The following NTRK3 variants were observed in gnomAD, a reference collection of about 807,000 sequenced individuals.
The protein encoded by NTRK3 is NT-3 growth factor receptor.
Under a neutral mutation model 91.7 loss-of-function variants are expected in NTRK3, and 24 were observed. The ratio of observed to expected loss-of-function variants is 0.26; its 90% confidence interval spans 0.19 to 0.37. NTRK3 has a LOEUF of 0.37. NTRK3 is among the 10% of genes least tolerant of loss of function. The pLI is 1.00. For synonymous variants in NTRK3, 483 were observed against 404.0 expected, an observed-to-expected ratio of 1.20 and a Z score of -2.34; for missense variants, 880 against 1,068.9, an observed-to-expected ratio of 0.82 and a Z score of 2.46.
chr15:88,007,160 A>G (rs2076553308), intron 14 of NTRK3, among the ~76,000 whole-genome samples: 1 of 152,254 alleles, frequency 6.6e-6, no homozygotes, highest in Non-Finnish European at 1.5e-5. Context: ...TAGGTATGAT[A>G]CAATGATAGC....
chr15:88,147,615 G>A (rs1251191559), intron 5 of NTRK3, among the ~76,000 whole-genome samples: 1 of 151,720 alleles, frequency 6.6e-6, no homozygotes, highest in Non-Finnish European at 1.5e-5. Context: ...GTTTGGATAG[G>A]CTTTTGAGGC....
exon 19 of NTRK3, chr15:87,864,222 G>T: frequency 4.3e-6 from 1 of 232,568 alleles, no homozygotes; most frequent in South Asian, 1.8e-4. Context: ...AACAAGAAGA[G>T]TTCTTGATGC....
intron 14 of NTRK3, among the ~76,000 whole-genome samples, chr15:87,972,308 A>C (rs2073324261): frequency 6.6e-6 from 1 of 152,150 alleles, no homozygotes; most frequent in African/African-American, 2.4e-5. Flanking sequence ...AGCATTACTT[A>C]CCAAAGCCAG....
intron 10 of NTRK3, 33 bp from the exon 11 acceptor site, chr15:88,128,767 A>G (rs760594224): frequency 1.0e-5 from 16 of 1,604,364 alleles, no homozygotes; most frequent in Non-Finnish European, 1.4e-5. Flanking sequence ...TAATTAACAA[A>G]TTTAATAAAA....
chr15:87,909,607 G>C (rs550658378), intron 17 of NTRK3, among the ~76,000 whole-genome samples: 2 of 152,314 alleles, frequency 1.3e-5, no homozygotes, highest in South Asian at 4.1e-4. Context: ...GTTGGGAAGA[G>C]AAGGTGTGAT....
intron 17 of NTRK3, among the ~76,000 whole-genome samples, chr15:87,903,754 G>T (rs1293188058): frequency 6.6e-6 from 1 of 152,182 alleles, no homozygotes; most frequent in Admixed American, 6.5e-5. Context: ...TTCCCCAGAA[G>T]GCCAGTCTTA....
At chr15:87,978,668 AGAAGAG>A in intron 14 of NTRK3, 1 of 232,526 alleles carries the variant, frequency 4.3e-6, no homozygotes, top group East Asian at 6.1e-5. Context: ...CGTTCCAGAG[AGAAGAG>A]GAAGTAGGGG....
chr15:88,106,098 C>T (rs918116448), intron 13 of NTRK3, among the ~76,000 whole-genome samples: 2 of 152,248 alleles, frequency 1.3e-5, no homozygotes, highest in African/African-American at 4.8e-5. Flanking sequence ...TTTCATTGGT[C>T]CATTCCGGCT....
chr15:87,933,706 A>AT, intron 15 of NTRK3, among the ~76,000 whole-genome samples: 1 of 152,232 alleles, frequency 6.6e-6, no homozygotes. Flanking sequence ...TTGTGAAGGT[A>AT]TCTACATTTG....
chr15:88,216,691 T>C (rs189574033), intron 3 of NTRK3, among the ~76,000 whole-genome samples: 25 of 152,284 alleles, frequency 1.6e-4, no homozygotes, highest in Admixed American at 1.4e-3. Context: ...TGGGTCAAGA[T>C]GGTGATGGTG....
intron 8 of NTRK3, 65 bp downstream of exon 8, chr15:88,136,401 CT>C: frequency 6.2e-7 from 1 of 1,608,480 alleles, no homozygotes; most frequent in Non-Finnish European, 8.5e-7. Flanking sequence ...AATTTTCCCT[CT>C]TCTTCAAGAC....
intron 3 of NTRK3, among the ~76,000 whole-genome samples, chr15:88,188,198 G>C (rs1218090884): frequency 6.6e-6 from 1 of 152,190 alleles, no homozygotes; most frequent in Non-Finnish European, 1.5e-5. Flanking sequence ...GGGTGTCCTG[G>C]TTCAATCAGA....
chr15:87,988,109 G>C (rs985092419), intron 14 of NTRK3, among the ~76,000 whole-genome samples: 2 of 152,174 alleles, frequency 1.3e-5, no homozygotes, highest in Non-Finnish European at 2.9e-5. Context: ...ATCTCAGCCA[G>C]GTAATGAGGG....
chr15:88,164,885 T>C (rs887118554), intron 5 of NTRK3, among the ~76,000 whole-genome samples: 3 of 152,182 alleles, frequency 2.0e-5, no homozygotes, highest in Non-Finnish European at 2.9e-5. Context: ...TGCAAAATGT[T>C]TGGGAAATGC....
chr15:88,109,417 C>CGTCCTTCCT (rs2051079440), intron 13 of NTRK3, among the ~76,000 whole-genome samples: 1 of 152,178 alleles, frequency 6.6e-6, no homozygotes, highest in Non-Finnish European at 1.5e-5. Flanking sequence ...GCAAGGAGCT[C>CGTCCTTCCT]GTCCTTCCTG....
At chr15:88,074,910 A>G (rs2047400932) in intron 13 of NTRK3, among the ~76,000 whole-genome samples, 1 of 152,184 alleles carries the variant, frequency 6.6e-6, no homozygotes, top group Non-Finnish European at 1.5e-5. Context: ...TATGATAGTT[A>G]TTGGAATCAA....
At chr15:88,066,947 C>T (rs560131109) in intron 13 of NTRK3, among the ~76,000 whole-genome samples, 48 of 152,180 alleles carry the variant, frequency 3.2e-4, no homozygotes, top group Non-Finnish European at 6.3e-4. Flanking sequence ...CTCCCAGGCT[C>T]CACTGGCCCT....
intron 3 of NTRK3, among the ~76,000 whole-genome samples, chr15:88,220,609 C>T (rs888328690): frequency 1.3e-5 from 2 of 152,200 alleles, no homozygotes; most frequent in Non-Finnish European, 2.9e-5. Context: ...CTGGAAGGCT[C>T]TTGGGAAATG....
At chr15:87,975,960 C>T (rs1174883482) in intron 14 of NTRK3, among the ~76,000 whole-genome samples, 10 of 152,158 alleles carry the variant, frequency 6.6e-5, no homozygotes, top group Non-Finnish European at 2.9e-5. Flanking sequence ...GGGAAGAGCA[C>T]TCCCTCCATG....
Sources: allele counts gnomAD v4.1 joint callset (sites outside exome capture counted in the v4.1 genomes callset), GRCh38; gene constraint gnomAD v4.1.1; transcripts MANE v1.5; gene names NCBI Gene and HGNC (gene_info 2026-07-23, HGNC 2026-07-21).